Variants in UNC13C observed in about 807,000 individuals in gnomAD.
The protein encoded by UNC13C is protein unc-13 homolog C.
Under a neutral mutation model 245.4 loss-of-function variants are expected in UNC13C, and 174 were observed. That is an observed-to-expected ratio of 0.71 (90% CI 0.63 to 0.80). The LOEUF (loss-of-function observed/expected upper bound fraction) is 0.80. Ranked by LOEUF, UNC13C falls within the 30% of genes least tolerant of loss-of-function variation. The probability of loss-of-function intolerance (pLI) is 0.00; values close to 1 mark genes in which losing one functional copy is unlikely to be tolerated. For missense variants in UNC13C, 2,829 were observed against 2,602.9 expected, an observed-to-expected ratio of 1.09 and a Z score of -1.89; for synonymous variants, 992 against 895.1, an observed-to-expected ratio of 1.11 and a Z score of -1.93.
chr15:54,499,715 T>C (rs1234738014), intron 20 of UNC13C, among the ~76,000 whole-genome samples: 1 of 152,114 alleles, frequency 6.6e-6, no homozygotes, highest in East Asian at 1.9e-4. Context: ...TTAGTGTGAA[T>C]GGGTAGAAGC....
intron 19 of UNC13C, among the ~76,000 whole-genome samples, chr15:54,415,298 A>G (rs1035147983): frequency 1.3e-5 from 2 of 152,162 alleles, no homozygotes; most frequent in African/African-American, 4.8e-5. Context: ...GGATCATAAA[A>G]ATATTTCACT....
At chr15:54,353,572 G>A (rs1477846151) in intron 17 of UNC13C, among the ~76,000 whole-genome samples, 1 of 152,162 alleles carries the variant, frequency 6.6e-6, no homozygotes, top group Non-Finnish European at 1.5e-5. Context: ...TTGGGCTTCT[G>A]CTAAAACTAT....
chr15:53,932,441 C>T, the UNC13C span, among the ~76,000 whole-genome samples: 4 of 152,134 alleles, frequency 2.6e-5, no homozygotes, highest in Non-Finnish European at 4.4e-5. Flanking sequence ...ATTTCCATAA[C>T]CTGTGATGTT....
At chr15:54,045,463 A>G (rs559418916) in intron 2 of UNC13C, among the ~76,000 whole-genome samples, 29 of 152,290 alleles carry the variant, frequency 1.9e-4, no homozygotes, top group African/African-American at 6.5e-4. Flanking sequence ...AATTTTATAT[A>G]TAAGCATTGA....
chr15:54,557,630 GACCT>G (rs1302824425), intron 29 of UNC13C, among the ~76,000 whole-genome samples: 1 of 151,720 alleles, frequency 6.6e-6, no homozygotes, highest in Non-Finnish European at 1.5e-5. Flanking sequence ...TGAGAAAGAT[GACCT>G]TAGACCAAAG....
chr15:54,033,896 A>C (rs1896466095), intron 2 of UNC13C, among the ~76,000 whole-genome samples: 1 of 152,222 alleles, frequency 6.6e-6, no homozygotes, highest in African/African-American at 2.4e-5. Context: ...ATGCAAAAGC[A>C]ATGAGCTCTC....
chr15:54,435,959 T>C (rs556684160), intron 19 of UNC13C, among the ~76,000 whole-genome samples: 3 of 151,894 alleles, frequency 2.0e-5, no homozygotes, highest in East Asian at 3.9e-4. Context: ...AAGACAGTTA[T>C]GTGGCCAAGA....
chr15:54,365,772 A>G lies in UNC13C; in HGVS notation c.4714-27276A>G, dbSNP rs74015180. Among the ~76,000 whole-genome samples the G allele has an allele frequency of 9.5e-3, 1,441 of 151,522 alleles. 22 individuals carry two copies. Among genetic ancestry groups the G allele is most frequent in the African/African-American group, 0.033 (1,364 of 41,496 alleles). ...TCAAAAAGAAAAAAAGAAAAAAAAA[A>G]AAACTTGACCCAAGAGACAGTCCCA... On this transcript the variant is annotated intron_variant, in intron 17 of 32. Transcript: ENST00000260323.
In UNC13C at chr15:54,534,797, T is replaced by C. The variant is rs147248417; in HGVS notation, c.5696+1731T>C. 7.1e-3 allele frequency among the ~76,000 whole-genome samples: 1,075 copies of C among 152,260 alleles called. 11 individuals carry two copies. The highest frequency in any genetic ancestry group is 0.025 in the African/African-American group (1,027 of 41,548). ...AATTTCCTAATATAATCAGCAGTCTTAGTATCCAAGCTAAGTTTTATAAGC... is the reference window on the plus strand; with the variant it reads ...AATTTCCTAATATAATCAGCAGTCTCAGTATCCAAGCTAAGTTTTATAAGC... On this transcript the variant is annotated intron_variant, in intron 26 of 32. Coordinates refer to ENST00000260323, the MANE Select transcript of UNC13C (RefSeq NM_001080534.3).
At chr15:54,460,537 C>T (rs1345269907) in intron 19 of UNC13C, among the ~76,000 whole-genome samples, 2 of 152,178 alleles carry the variant, frequency 1.3e-5, no homozygotes, top group Non-Finnish European at 2.9e-5. Flanking sequence ...CAGGAAGTGG[C>T]ACTTTCAAGA....
intron 13 of UNC13C, among the ~76,000 whole-genome samples, chr15:54,308,668 C>A (rs2037787595): frequency 6.6e-6 from 1 of 151,864 alleles, no homozygotes; most frequent in Non-Finnish European, 1.5e-5. Context: ...TGCTAGCCAA[C>A]TCCAGCTCCT....
chr15:54,354,221 A>C (rs1475110628), intron 17 of UNC13C, among the ~76,000 whole-genome samples: 1 of 151,946 alleles, frequency 6.6e-6, no homozygotes, highest in Admixed American at 6.6e-5. Context: ...AATTGCTGTG[A>C]GGATTAAATG....
intron 13 of UNC13C, among the ~76,000 whole-genome samples, chr15:54,301,524 T>G (rs747480001): frequency 6.6e-6 from 1 of 152,122 alleles, no homozygotes; most frequent in Non-Finnish European, 1.5e-5. Context: ...CACTTTTGAG[T>G]GAGAACATGC....
chr15:54,119,209 C>G (rs1338170089), intron 2 of UNC13C, among the ~76,000 whole-genome samples: 1 of 151,966 alleles, frequency 6.6e-6, no homozygotes, highest in Non-Finnish European at 1.5e-5. Context: ...AAAGATATTG[C>G]GTTTTTTTAC....
intron 19 of UNC13C, among the ~76,000 whole-genome samples, chr15:54,467,476 T>C (rs1329090582): frequency 1.3e-5 from 2 of 151,732 alleles, no homozygotes; most frequent in African/African-American, 4.8e-5. Context: ...TTCTTTCTGA[T>C]GGGAACATTT....
At chr15:53,874,293 C>T in the UNC13C span, among the ~76,000 whole-genome samples, 1 of 150,682 alleles carries the variant, frequency 6.6e-6, no homozygotes, top group Non-Finnish European at 1.5e-5. Context: ...AATTTAATCC[C>T]CCTAACAACC....
chr15:54,347,524 T>C (rs2038885344), intron 17 of UNC13C, among the ~76,000 whole-genome samples: 1 of 152,216 alleles, frequency 6.6e-6, no homozygotes, highest in Non-Finnish European at 1.5e-5. Flanking sequence ...ACTTAGGGAC[T>C]TTTTAAAATC....
intron 4 of UNC13C, among the ~76,000 whole-genome samples, chr15:54,148,494 A>G (rs2141246440): frequency 6.6e-6 from 1 of 152,262 alleles, no homozygotes; most frequent in East Asian, 1.9e-4. Context: ...ATTTGTCTAT[A>G]AAGTTGAGAT....
At chr15:54,253,964 C>G (rs2036217159) in intron 8 of UNC13C, among the ~76,000 whole-genome samples, 1 of 152,182 alleles carries the variant, frequency 6.6e-6, no homozygotes, top group South Asian at 2.1e-4. Context: ...CTAGAAATTT[C>G]AAGCACCTGC....
Sources: allele counts gnomAD v4.1 joint callset (sites outside exome capture counted in the v4.1 genomes callset), GRCh38; gene constraint gnomAD v4.1.1; transcripts MANE v1.5; gene names NCBI Gene and HGNC (gene_info 2026-07-23, HGNC 2026-07-21).